Variants in GFPT2 observed in about 807,000 individuals in gnomAD.
GFPT2 encodes glutamine--fructose-6-phosphate transaminase 2.
A neutral mutation model predicts 85.6 loss-of-function variants in GFPT2; 62 were observed. The observed-to-expected ratio is 0.72, with a 90% CI of 0.59 to 0.90. The LOEUF (loss-of-function observed/expected upper bound fraction) is 0.90, where lower values mean the gene tolerates loss of function less well. Among genes scored for constraint, GFPT2 ranks in the 40% least tolerant of loss-of-function variants. GFPT2 has a pLI of 0.00. For synonymous variants in GFPT2, 368 were observed against 344.5 expected (o/e 1.07, Z -0.75); for missense variants, 788 against 893.4 (o/e 0.88, Z 1.50).
chr5:180,313,713 G>C (rs1207341753), intron 14 of GFPT2, 94 bp downstream of exon 14: 4 of 1,069,836 alleles, frequency 3.7e-6, no homozygotes, highest in Non-Finnish European at 5.2e-6. Context: ...AAGAAAGGCG[G>C]TGGCGCGGGC....
intron 15 of GFPT2, among the ~76,000 whole-genome samples, chr5:180,307,640 C>T (rs530760350): frequency 4.4e-4 from 67 of 152,260 alleles, no homozygotes; most frequent in South Asian, 1.2e-3. Flanking sequence ...CAGTTAACAC[C>T]CCTCTTTCCT....
chr5:180,352,733 C>T, intron 1 of GFPT2: 2 of 399,762 alleles, frequency 5.0e-6, no homozygotes, highest in Non-Finnish European at 9.9e-6. Flanking sequence ...GCTGCGGGGA[C>T]GGCGGGGCGG....
At position 180,336,549 on chromosome 5, in the gene GFPT2, T is replaced by C. The variant is rs1224075487; in HGVS notation, c.144A>G (p.Glu48=). 38 of 1,610,606 alleles carry C rather than the reference T, an allele frequency of 2.4e-5. No individual in the cohort carries two copies. Among genetic ancestry groups the C allele is most frequent in the Non-Finnish European group, 2.9e-5 (34 of 1,176,846 alleles). ...CCAGCTGAATGTGTCTTTCTTTGAC[T>C]TCGTGATTATTCCCATCGATCGCCA... The part of the protein sequence containing the change: ...AGVAIDGNNH[E]VKERHIQLVK... The change falls in exon 3 of 19, where the codon GAA becomes GAG. Residue 48 remains glutamate, a synonymous_variant. Transcript: ENST00000253778.
intron 4 of GFPT2, among the ~76,000 whole-genome samples, chr5:180,333,236 TTTC>T (rs1196945028): frequency 1.4e-5 from 2 of 147,342 alleles, no homozygotes; most frequent in Non-Finnish European, 3.1e-5. Context: ...TTTCTTTTTC[TTTC>T]TTTTTTTTTT....
rs76058413 is a variant in GFPT2 at position 180,330,675 on chromosome 5, T to G, written c.534+25A>C. 84,990 of 1,592,364 alleles carry G rather than the reference T, an allele frequency of 0.053. 2,585 individuals carry two copies. Among genetic ancestry groups the G allele is most frequent in the Non-Finnish European group, 0.064 (74,305 of 1,161,314 alleles). ...TTAATGAAAGAATGAAGGAATGAGT[T>G]AGACAGATGGGATTTGTAACTCACC... On this transcript the variant is annotated intron_variant, in intron 6 of 18. Coordinates refer to ENST00000253778, the MANE Select transcript of GFPT2 (RefSeq NM_005110.4). This position sits in a 1 kb window ranked among gnomAD's most constrained non-coding sequence, Gnocchi z 4.4.
At chr5:180,339,904 T>C (rs1561883384) in intron 1 of GFPT2, among the ~76,000 whole-genome samples, 1 of 152,230 alleles carries the variant, frequency 6.6e-6, no homozygotes, top group East Asian at 1.9e-4. Context: ...TGAGTGTGTA[T>C]CTGTATCCCT....
At chr5:180,348,118 C>T (rs1764646217) in intron 1 of GFPT2, among the ~76,000 whole-genome samples, 1 of 152,224 alleles carries the variant, frequency 6.6e-6, no homozygotes, top group South Asian at 2.1e-4. Flanking sequence ...TCTGTTGCTT[C>T]TCCGAACTGA....
chr5:180,320,791 A>G (rs977441745), intron 9 of GFPT2, among the ~76,000 whole-genome samples: 1 of 152,206 alleles, frequency 6.6e-6, no homozygotes, highest in Non-Finnish European at 1.5e-5. Context: ...CATTCTATCA[A>G]GAGCCACACC....
In GFPT2 at chr5:180,323,488, C is replaced by CA. The variant is rs1764160032; in HGVS notation, c.794+699dup. 6.6e-6 allele frequency among the ~76,000 whole-genome samples: 1 copy of CA among 152,084 alleles called. No individual in the cohort carries two copies. The highest frequency in any genetic ancestry group is 6.6e-5 in the Admixed American group (1 of 15,264). On this transcript the variant is annotated intron_variant, in intron 9 of 18. Coordinates refer to ENST00000253778, the MANE Select transcript of GFPT2 (RefSeq NM_005110.4). This position sits in a 1 kb window ranked among gnomAD's most constrained non-coding sequence, Gnocchi z 4.0. Reference sequence around the variant, plus strand: ...AAGAAGGTACCAGAGGTGATTACAGCAGTTTTCTACTTCAAATGGCAGGAA... The same window carrying CA: ...AAGAAGGTACCAGAGGTGATTACAGCAAGTTTTCTACTTCAAATGGCAGGAA...
intron 3 of GFPT2, 79 bp downstream of exon 3, chr5:180,336,400 C>T: frequency 2.4e-6 from 2 of 826,690 alleles, no homozygotes; most frequent in Middle Eastern, 4.4e-4. Context: ...AATCTCCATT[C>T]TCCGGCGCTG....
intron 9 of GFPT2, among the ~76,000 whole-genome samples, chr5:180,322,372 C>T (rs1764137013): frequency 6.6e-6 from 1 of 151,966 alleles, no homozygotes; most frequent in East Asian, 1.9e-4. Flanking sequence ...AAATCTCTTA[C>T]TTCCTCATGG....
chr5:180,307,158 C>T lies in GFPT2; in HGVS notation c.1674+18G>A. On this transcript the variant is annotated intron_variant, in intron 16 of 18. Coordinates refer to ENST00000253778, the MANE Select transcript of GFPT2 (RefSeq NM_005110.4). ...TGCCTGTCCTCCGTGGGGGTGGGGG[C>T]TGGGGGTGGGGGCTCACCAGGGCTC... 6.6e-6 allele frequency: 3 copies of T among 452,402 alleles called. No individual in the cohort carries two copies. Among genetic ancestry groups the T allele is most frequent in the Non-Finnish European group, 1.0e-5 (3 of 294,868 alleles). The allele number at this position is 452,402 out of a possible 1,614,324, so 28.0% of individuals were successfully genotyped here.
At chr5:180,314,000 C>T in intron 13 of GFPT2, 36 bp from the exon 14 acceptor site, 1 of 1,549,150 alleles carries the variant, frequency 6.5e-7, no homozygotes. Context: ...CCGCGCTCCG[C>T]CAGCCTCGGC....
rs761818623 is a variant in GFPT2 at position 180,330,726 on chromosome 5, A to G, written c.508T>C (p.Leu170=). The G allele has an allele frequency of 1.9e-6, 3 of 1,613,294 alleles. No individual in the cohort carries two copies. The highest frequency in any genetic ancestry group is 1.7e-4 in the Middle Eastern group (1 of 6,060). Residue 170 remains leucine (L), a synonymous_variant, in exon 6 of 19, where the codon TTG becomes CTG. Transcript: ENST00000253778. This position sits in a 1 kb window ranked among gnomAD's most constrained non-coding sequence, Gnocchi z 4.4. ...RETEDITFST[L]VERVIQQLEG... is the part of the protein sequence containing the mutation. ...AACTGCTGAATGACTCTCTCGACCA[A>G]CGTTGAAAACGTAATGTCCTCAGTT...
rs1764245611 is a variant in GFPT2 at position 180,328,147 on chromosome 5, C to T, written c.596+130G>A. 7.4e-6 allele frequency: 5 copies of T among 675,492 alleles called. No individual in the cohort carries two copies. Among genetic ancestry groups the T allele is most frequent in the South Asian group, 1.8e-5 (1 of 56,130 alleles). The allele number at this position is 675,492 out of a possible 1,614,324, so 41.8% of individuals were successfully genotyped here. A position where few individuals can be genotyped will look rare whatever the true frequency, so the allele number is the denominator to read the frequency against. ...GTGGGGCGCGGTCCCCGGGGCTGAG[C>T]CACAGTTGTTCTTTAGACACCACGA... is the stretch of plus-strand genomic sequence containing the variant. On this transcript the variant is annotated intron_variant, in intron 7 of 18. Coordinates refer to ENST00000253778, the MANE Select transcript of GFPT2 (RefSeq NM_005110.4). The surrounding 1 kb of genome is among the most constrained non-coding windows in gnomAD (Gnocchi z 5.4).
At chr5:180,309,305 C>T (rs183511877) in intron 15 of GFPT2, among the ~76,000 whole-genome samples, 41 of 152,298 alleles carry the variant, frequency 2.7e-4, no homozygotes, top group East Asian at 3.8e-4. Context: ...TCTACTGATG[C>T]GTCAGCTGAT....
Position 180,332,216 on chromosome 5 carries a change from G to A in GFPT2, c.341-663C>T, listed in dbSNP as rs977128481. 5.3e-5 allele frequency among the ~76,000 whole-genome samples: 8 copies of A among 149,828 alleles called. No individual in the cohort carries two copies. The South Asian group carries it at 6.6e-4, about 12-fold the overall frequency. On this transcript the variant is annotated intron_variant, in intron 4 of 18. Transcript: ENST00000253778. The stretch of plus-strand genomic sequence containing the variant: ...CGGCTTCCTGCACAGGTAGCACCCC[G>A]CTGATCCTGGCGGGGAGGTGGCGGG...
At chr5:180,346,197 C>T (rs576939863) in intron 1 of GFPT2, among the ~76,000 whole-genome samples, 3 of 152,242 alleles carry the variant, frequency 2.0e-5, no homozygotes, top group South Asian at 2.1e-4. Flanking sequence ...GAGATGGCAT[C>T]GGAGGCTCCA....
At position 180,330,549 on chromosome 5, in the gene GFPT2, A is replaced by ATGGGC. The variant is rs1208648181; in HGVS notation, c.534+146_534+150dup. Reference sequence around the variant, plus strand: ...AACATCTTAAGGCCAGGCTCTGCAGATGGGCTGTCTTTTATCCCCAGGACT... The same window carrying ATGGGC: ...AACATCTTAAGGCCAGGCTCTGCAGATGGGCTGGGCTGTCTTTTATCCCCAGGACT... On this transcript the variant is annotated intron_variant, in intron 6 of 18. Coordinates refer to ENST00000253778, the MANE Select transcript of GFPT2 (RefSeq NM_005110.4). This position sits in a 1 kb window ranked among gnomAD's most constrained non-coding sequence, Gnocchi z 4.4. 1.6e-6 allele frequency: 1 copy of ATGGGC among 640,980 alleles called. No individual in the cohort carries two copies. Among genetic ancestry groups the ATGGGC allele is most frequent in the African/African-American group, 1.8e-5 (1 of 54,762 alleles). 39.7% of individuals were successfully genotyped at this position (640,980 alleles called of 1,614,324 possible).
Sources: gnomAD v4.1 joint callset for allele counts (sites outside exome capture counted in the v4.1 genomes callset) on GRCh38, gnomAD v4.1.1 for gene constraint, Gnocchi (gnomAD v3.1) non-coding constraint, MANE v1.5 for transcripts, NCBI Gene and HGNC (gene_info 2026-07-23, HGNC 2026-07-21) for gene names.